The following LRP1B variants were observed in gnomAD, a reference collection of about 807,000 sequenced individuals.
LRP1B encodes the protein LDL receptor related protein 1B.
LRP1B carries 217 observed loss-of-function variants against 556.6 expected under a neutral mutation model. The ratio of observed to expected loss-of-function variants is 0.39; its 90% CI spans 0.35 to 0.44. The LOEUF (loss-of-function observed/expected upper bound fraction) is 0.44, where lower values mean the gene tolerates loss of function less well. Among genes scored for constraint, LRP1B ranks in the 20% least tolerant of loss-of-function variants. LRP1B has a pLI of 1.00. For synonymous variants in LRP1B, 2,047 were observed against 1,865.8 expected (o/e 1.10, Z -2.50); for missense variants, 5,053 against 5,620.8 (o/e 0.90, Z 3.23).
At chr2:141,126,669 C>T (rs1488646456) in intron 7 of LRP1B, among the ~76,000 whole-genome samples, 2 of 152,060 alleles carry the variant, frequency 1.3e-5, no homozygotes, top group Non-Finnish European at 2.9e-5. Flanking sequence ...TTTCTTCACC[C>T]AAGATCATAT....
intron 1 of LRP1B, among the ~76,000 whole-genome samples, chr2:142,099,797 C>T (rs1393469007): frequency 6.6e-6 from 1 of 151,914 alleles, no homozygotes; most frequent in Non-Finnish European, 1.5e-5. Context: ...TAGTACCCCT[C>T]AGAATTAGTT....
chr2:140,371,917 A>G (rs1683017623), intron 69 of LRP1B, among the ~76,000 whole-genome samples: 1 of 152,124 alleles, frequency 6.6e-6, no homozygotes, highest in South Asian at 2.1e-4. Context: ...GCCGAAATTA[A>G]GAATAACAAG....
chr2:141,831,968 A>G (rs1484567534), intron 1 of LRP1B, among the ~76,000 whole-genome samples: 6 of 151,608 alleles, frequency 4.0e-5, no homozygotes, highest in Non-Finnish European at 8.9e-5. Flanking sequence ...GCCTTTCTAC[A>G]TTGGAAATTC....
intron 86 of LRP1B, among the ~76,000 whole-genome samples, chr2:140,261,186 G>A (rs1235248256): frequency 1.3e-5 from 2 of 151,764 alleles, no homozygotes; most frequent in Non-Finnish European, 2.9e-5. Flanking sequence ...AAGTATTTTA[G>A]AGAAATTTTG....
intron 3 of LRP1B, among the ~76,000 whole-genome samples, chr2:141,467,977 G>A (rs1682310911): frequency 6.6e-6 from 1 of 151,628 alleles, no homozygotes; most frequent in Admixed American, 6.6e-5. Context: ...CAGTTTGATG[G>A]GTCTTTCCAG....
At chr2:140,436,188 GC>G (rs918027785) in intron 66 of LRP1B, among the ~76,000 whole-genome samples, 4 of 152,062 alleles carry the variant, frequency 2.6e-5, no homozygotes, top group African/African-American at 4.8e-5. Flanking sequence ...AACAGAAGCT[GC>G]TTTACACATA....
chr2:141,193,585 T>C (rs973279652), intron 6 of LRP1B, among the ~76,000 whole-genome samples: 1 of 151,872 alleles, frequency 6.6e-6, no homozygotes, highest in Non-Finnish European at 1.5e-5. Context: ...GGAGTCTACT[T>C]GAGGGTGGAG....
intron 3 of LRP1B, among the ~76,000 whole-genome samples, chr2:141,382,281 C>T (rs569203440): frequency 6.6e-6 from 1 of 152,320 alleles, no homozygotes; most frequent in African/African-American, 2.4e-5. Flanking sequence ...CAGAGGGAAA[C>T]TTGCCCATAA....
chr2:140,249,091 C>T (rs1024125327), intron 86 of LRP1B, among the ~76,000 whole-genome samples: 1 of 151,250 alleles, frequency 6.6e-6, no homozygotes, highest in African/African-American at 2.4e-5. Flanking sequence ...TGACCCAAGG[C>T]ATATTTTATT....
chr2:140,454,339 C>T (rs968688505), intron 62 of LRP1B, among the ~76,000 whole-genome samples: 3 of 151,822 alleles, frequency 2.0e-5, no homozygotes, highest in Non-Finnish European at 2.9e-5. Context: ...TTAGTAGAGA[C>T]GAGGTTTCAC....
In LRP1B at chr2:141,898,588, G is replaced by A. The variant is rs147544308; in HGVS notation, c.83-88187C>T. Reference sequence around the variant, plus strand: ...TCCAAATTCACATATGATAGATGATGTATTCTTCACATTAAAAGTACTTCA... The same window carrying A: ...TCCAAATTCACATATGATAGATGATATATTCTTCACATTAAAAGTACTTCA... On this transcript the variant is annotated intron_variant, in intron 1 of 90. Transcript: ENST00000389484. 9.9e-5 allele frequency among the ~76,000 whole-genome samples: 15 copies of A among 152,192 alleles called. No individual in the cohort carries two copies. The East Asian group carries it at 2.9e-3, about 29-fold the overall frequency.
rs192610651 is a variant in LRP1B, at chr2:141,135,485, C to A, written c.1013+52936G>T. ...AAACCAACACATATTGTCATAGGGACAAACAAATTAACGTTTGAAGCAACA... is the reference window on the plus strand; with the variant it reads ...AAACCAACACATATTGTCATAGGGAAAAACAAATTAACGTTTGAAGCAACA... On this transcript the variant is annotated intron_variant, in intron 7 of 90. Transcript: ENST00000389484. Among the ~76,000 whole-genome samples, 20 of 152,044 alleles carry A rather than the reference C, an allele frequency of 1.3e-4. No homozygotes were observed. The South Asian group carries it at 2.7e-3, about 20-fold the overall frequency.
At chr2:140,626,398 T>C (rs484871) in intron 41 of LRP1B, among the ~76,000 whole-genome samples, 69,754 of 151,724 alleles carry the variant, frequency 0.46, 16,827 homozygotes, top group African/African-American at 0.61. Flanking sequence ...TCAATATAGG[T>C]TAATCTATTA....
chr2:141,905,117 T>C (rs1699717903), intron 1 of LRP1B, among the ~76,000 whole-genome samples: 1 of 151,912 alleles, frequency 6.6e-6, no homozygotes, highest in African/African-American at 2.4e-5. Context: ...AGATGGATGA[T>C]ATTAAGGTAG....
chr2:140,407,248 A>G (rs1684780730), intron 66 of LRP1B, among the ~76,000 whole-genome samples: 1 of 152,062 alleles, frequency 6.6e-6, no homozygotes, highest in Admixed American at 6.6e-5. Flanking sequence ...ATAGAAGACA[A>G]CATTGAAAAA....
rs185275695 is a variant in LRP1B, at chr2:141,784,304, C to G, written c.205+25975G>C. ...GTATTTATATAGTAATCAGGTCAAA[C>G]CTATATATGGTATGCATATATACTT... On this transcript the variant is annotated intron_variant, in intron 2 of 90. Coordinates refer to ENST00000389484, the MANE Select transcript of LRP1B (RefSeq NM_018557.3). Among the ~76,000 whole-genome samples, 47 of 151,894 alleles carry G rather than the reference C, an allele frequency of 3.1e-4. 1 individual carries two copies. Among genetic ancestry groups the G allele is most frequent in the African/African-American group, 1.1e-3 (44 of 41,482 alleles).
intron 21 of LRP1B, among the ~76,000 whole-genome samples, chr2:140,912,810 T>G (rs1299926109): frequency 1.3e-5 from 2 of 151,842 alleles, no homozygotes; most frequent in Non-Finnish European, 1.5e-5. Context: ...TAGAAAAACT[T>G]AAGTTTGTAT....
rs111746940 is a variant in LRP1B, at chr2:140,468,169, C to G, written c.9625+6969G>C. Among the ~76,000 whole-genome samples, 56 of 152,298 alleles carry G rather than the reference C, an allele frequency of 3.7e-4. 1 individual carries two copies. Among genetic ancestry groups the G allele is most frequent in the African/African-American group, 1.3e-3 (53 of 41,562 alleles). On this transcript the variant is annotated intron_variant, in intron 60 of 90. Coordinates refer to ENST00000389484, the MANE Select transcript of LRP1B (RefSeq NM_018557.3). The stretch of plus-strand genomic sequence containing the variant: ...TTTCGAGGCTCTCTTCCCCACCTTT[C>G]AGTGTGGTGCTCTTTAGCCAGCCCA...
At chr2:142,071,884 T>A (rs1186157299) in intron 1 of LRP1B, among the ~76,000 whole-genome samples, 1 of 151,914 alleles carries the variant, frequency 6.6e-6, no homozygotes, top group East Asian at 1.9e-4. Flanking sequence ...ACTGTTTAAA[T>A]CCAGTATGCC....
Sources: allele counts gnomAD v4.1 joint callset (sites outside exome capture counted in the v4.1 genomes callset), GRCh38; gene constraint gnomAD v4.1.1; transcripts MANE v1.5; gene names NCBI Gene and HGNC (gene_info 2026-07-23, HGNC 2026-07-21).